Variants in PLEKHG1 observed in about 807,000 individuals in gnomAD.
PLEKHG1 encodes the protein pleckstrin homology and RhoGEF domain containing G1, also known as pleckstrin homology domain-containing family G member 1.
PLEKHG1 carries 44 observed loss-of-function variants against 100.8 expected under a neutral mutation model. The observed-to-expected ratio is 0.44, with a 90% CI of 0.34 to 0.56. The LOEUF (loss-of-function observed/expected upper bound fraction) is 0.56. Ranked by LOEUF, PLEKHG1 falls within the 20% of genes least tolerant of loss-of-function variation. The pLI, the probability that PLEKHG1 is intolerant of heterozygous loss-of-function variation, is 0.01. For synonymous variants in PLEKHG1, 640 were observed against 662.5 expected, an observed-to-expected ratio of 0.97 and a Z score of 0.52; for missense variants, 1,545 against 1,720.9, an observed-to-expected ratio of 0.90 and a Z score of 1.81.
Position 150,749,511 on chromosome 6 carries a change from A to G in PLEKHG1, c.411+15419A>G, listed in dbSNP as rs376170666. Among the ~76,000 whole-genome samples, 22 of 152,152 alleles carry G rather than the reference A, an allele frequency of 1.4e-4. No homozygotes were observed. In the East Asian group the frequency reaches 1.7e-3, roughly 12 times the overall value. On this transcript the variant is annotated intron_variant, in intron 2 of 15. Coordinates refer to ENST00000358517, the Ensembl canonical transcript of PLEKHG1. Reference sequence around the variant, plus strand: ...TACCCTTTTTTCCCCTAGCAGAAATATAGGTAGCCTTCTGAGGGTGAGAAA... The same window carrying G: ...TACCCTTTTTTCCCCTAGCAGAAATGTAGGTAGCCTTCTGAGGGTGAGAAA...
At chr6:150,624,395 C>T (rs778869679) in intron 1 of PLEKHG1, among the ~76,000 whole-genome samples, 1 of 152,188 alleles carries the variant, frequency 6.6e-6, no homozygotes, top group Non-Finnish European at 1.5e-5. Context: ...CACTCGAGCC[C>T]CATGAGTAAA....
intron 4 of PLEKHG1, 118 bp downstream of exon 5, chr6:150,786,577 C>T (rs1392250733): frequency 6.0e-6 from 4 of 662,686 alleles, no homozygotes; most frequent in Non-Finnish European, 1.1e-5. Flanking sequence ...ACTAATCTTT[C>T]TCTGGTTTCT....
chr6:150,675,443 C>G (rs117040798), intron 3 of PLEKHG1, among the ~76,000 whole-genome samples: 1 of 152,218 alleles, frequency 6.6e-6, no homozygotes, highest in African/African-American at 2.4e-5. Context: ...TTTTCTCTCA[C>G]GCTTTCTGGA....
At chr6:150,732,649 G>A (rs1481595194) in intron 1 of PLEKHG1, among the ~76,000 whole-genome samples, 3 of 152,180 alleles carry the variant, frequency 2.0e-5, no homozygotes. Context: ...ATAAAGTCTT[G>A]CTCTGTCGCC....
intron 13 of PLEKHG1, among the ~76,000 whole-genome samples, chr6:150,821,933 C>T (rs1207165113): frequency 6.7e-6 from 1 of 150,172 alleles, no homozygotes; most frequent in Non-Finnish European, 1.5e-5. Context: ...CCTCTGCCTC[C>T]CAGGTTCAAG....
chr6:150,810,472 GAAAGAAA>G (rs1787427931), intron 10 of PLEKHG1, among the ~76,000 whole-genome samples: 1 of 130,014 alleles, frequency 7.7e-6, no homozygotes, highest in Non-Finnish European at 1.7e-5. Flanking sequence ...TCAAAAAAAA[GAAAGAAA>G]GAAAGAAGGA....
At chr6:150,678,562 G>A (rs992900805) in intron 3 of PLEKHG1, among the ~76,000 whole-genome samples, 14 of 152,148 alleles carry the variant, frequency 9.2e-5, no homozygotes, top group Non-Finnish European at 1.9e-4. Flanking sequence ...TTAATTTTGT[G>A]CAGGCAGGGG....
chr6:150,794,684 A>AT (rs745407741), intron 4 of PLEKHG1, among the ~76,000 whole-genome samples: 3 of 151,962 alleles, frequency 2.0e-5, no homozygotes, highest in African/African-American at 4.8e-5. Flanking sequence ...TAAAGTCCTT[A>AT]TTTTAGAGAT....
At chr6:150,741,765 T>A (rs1180159740) in intron 2 of PLEKHG1, among the ~76,000 whole-genome samples, 1 of 152,210 alleles carries the variant, frequency 6.6e-6, no homozygotes, top group Non-Finnish European at 1.5e-5. Flanking sequence ...CCTTTGACTA[T>A]AACAGAAGGT....
In PLEKHG1 at chr6:150,742,443, T is replaced by C. The variant is rs551410694; in HGVS notation, c.411+8351T>C. Among the ~76,000 whole-genome samples the C allele has an allele frequency of 4.0e-5, 6 of 151,852 alleles. No individual in the cohort carries two copies. In the South Asian group the frequency reaches 1.2e-3, roughly 31 times the overall value. On this transcript the variant is annotated intron_variant, in intron 2 of 15. Coordinates refer to ENST00000358517, the Ensembl canonical transcript of PLEKHG1. ...AGCCGAGTGTGGTGGTGTGCACCTG[T>C]AATCCCAGCTACTGGGGAGACTGAG... is the stretch of plus-strand genomic sequence containing the variant.
intron 1 of PLEKHG1, among the ~76,000 whole-genome samples, chr6:150,623,610 C>T (rs1777397980): frequency 6.6e-6 from 1 of 152,236 alleles, no homozygotes; most frequent in Non-Finnish European, 1.5e-5. Flanking sequence ...GCGCGTACTG[C>T]AAACGGACAG....
chr6:150,809,906 G>T (rs79240764), intron 10 of PLEKHG1, among the ~76,000 whole-genome samples, 172 bp downstream of exon 11: 4 of 104,858 alleles, frequency 3.8e-5, no homozygotes, highest in Non-Finnish European at 4.1e-5. Flanking sequence ...AAAAAAAAAA[G>T]AGTTTAGAAT....
At chr6:150,726,493 A>G (rs1781969925) in intron 1 of PLEKHG1, among the ~76,000 whole-genome samples, 1 of 152,176 alleles carries the variant, frequency 6.6e-6, no homozygotes, top group African/African-American at 2.4e-5. Flanking sequence ...AATTTTTTAA[A>G]TGTATAAAAA....
At chr6:150,658,083 T>A (rs1779039424) in intron 3 of PLEKHG1, among the ~76,000 whole-genome samples, 1 of 152,142 alleles carries the variant, frequency 6.6e-6, no homozygotes, top group Non-Finnish European at 1.5e-5. Flanking sequence ...CAACCTTACC[T>A]CCCCTCCGCC....
At chr6:150,734,033 G>T in exon 2 of PLEKHG1, 2 of 1,614,028 alleles carry the variant, frequency 1.2e-6, no homozygotes, top group East Asian at 2.2e-5. Flanking sequence ...GGATAGAGTT[G>T]TTCAGGAAAT....
At chr6:150,671,061 C>T (rs1164396299) in intron 3 of PLEKHG1, among the ~76,000 whole-genome samples, 1 of 150,244 alleles carries the variant, frequency 6.7e-6, no homozygotes, top group Non-Finnish European at 1.5e-5. Context: ...TTAATTCACT[C>T]CTTTTTATGG....
At chr6:150,823,080 C>A (rs367809866) in intron 13 of PLEKHG1, among the ~76,000 whole-genome samples, 1 of 152,128 alleles carries the variant, frequency 6.6e-6, no homozygotes, top group Admixed American at 6.6e-5. Flanking sequence ...GTTGTTTCCT[C>A]GGAGGATGGG....
At chr6:150,678,187 C>T (rs866776845) in intron 3 of PLEKHG1, among the ~76,000 whole-genome samples, 10 of 148,280 alleles carry the variant, frequency 6.7e-5, no homozygotes, top group South Asian at 2.2e-4. Flanking sequence ...GTCTACAATA[C>T]GTTACCATTA....
chr6:150,778,846 G>T (rs976168568), intron 3 of PLEKHG1, among the ~76,000 whole-genome samples: 1 of 152,116 alleles, frequency 6.6e-6, no homozygotes, highest in African/African-American at 2.4e-5. Flanking sequence ...CATTTTTATT[G>T]TGTTTATCCT....
Sources: gnomAD v4.1 joint callset for allele counts (sites outside exome capture counted in the v4.1 genomes callset) on GRCh38, gnomAD v4.1.1 for gene constraint, MANE v1.5 for transcripts, NCBI Gene and HGNC (gene_info 2026-07-23, HGNC 2026-07-21) for gene names.